The following NDOR1 variants were observed in gnomAD, a reference collection of about 807,000 sequenced individuals.
NDOR1 encodes the protein NADPH dependent diflavin oxidoreductase 1.
NDOR1 carries 61 observed loss-of-function variants against 67.2 expected under a neutral mutation model. The observed-to-expected ratio is 0.91, with a 90% CI of 0.74 to 1.12. The LOEUF is 1.12. NDOR1 is among the 50% of genes most tolerant of loss of function. NDOR1 has a pLI of 0.00. For missense variants in NDOR1, 878 were observed against 802.8 expected (o/e 1.09, Z -1.13); for synonymous variants, 378 against 343.7 (o/e 1.10, Z -1.10).
intron 13 of NDOR1, 38 bp downstream of exon 13, chr9:137,216,226 CCT>C (rs777381263): frequency 2.2e-5 from 36 of 1,612,918 alleles, no homozygotes; most frequent in Middle Eastern, 1.6e-4. Context: ...GGGCCCAGCC[CCT>C]GAGTGCCAGG....
Position 137,218,102 on chromosome 9 carries a change from C to A in NDOR1, c.*1686C>A. 2.5e-6 allele frequency: 1 copy of A among 398,734 alleles called. No homozygotes were observed. The highest frequency in any genetic ancestry group is 3.6e-5 in the East Asian group (1 of 28,072). The allele number at this position is 398,734 out of a possible 1,614,324, so 24.7% of individuals were successfully genotyped here. On this transcript the variant is annotated 3_prime_UTR_variant, in exon 14 of 14. Transcript: ENST00000684003. ...CCCGATCTGCACAGAGCCCTACGGGCCCAGAGAGCGCCGCCTGGCCCTGCT... is the reference window on the plus strand; with the variant it reads ...CCCGATCTGCACAGAGCCCTACGGGACCAGAGAGCGCCGCCTGGCCCTGCT...
chr9:137,211,654 T>C (rs1835262955), intron 2 of NDOR1, among the ~76,000 whole-genome samples: 3 of 151,638 alleles, frequency 2.0e-5, no homozygotes, highest in South Asian at 2.1e-4. Flanking sequence ...CTGGGTACAT[T>C]TGCTCGCATA....
Position 137,215,209 on chromosome 9 carries a change from G to T in NDOR1, c.1173+7G>T, listed in dbSNP as rs757987477. The T allele has an allele frequency of 2.5e-6, 4 of 1,608,522 alleles. No individual in the cohort carries two copies. The South Asian group carries it at 3.3e-5, about 13-fold the overall frequency. ...CATCGCCTCCTCGCTGCTGGTGAGGGGCCTGGTGGTTGGAGCCCAGGACCG... is the reference window on the plus strand; with the variant it reads ...CATCGCCTCCTCGCTGCTGGTGAGGTGCCTGGTGGTTGGAGCCCAGGACCG... On this transcript the variant is annotated splice_region_variant and intron_variant, in intron 9 of 13. Coordinates refer to ENST00000684003, the MANE Select transcript of NDOR1 (RefSeq NM_014434.4).
Position 137,205,827 on chromosome 9 carries a change from C to T in NDOR1, c.50C>T (p.Ala17Val). ...CTCTTCGGCAGCCAGACAGGCACGG[C>T]TCAGGATGTGTCGGAGAGACTGGGT... Reference protein sequence around the residue: ...LVLFGSQTGTAQDVSERLGRE... With the variant: ...LVLFGSQTGTVQDVSERLGRE... Residue 17 changes from alanine to valine, a missense_variant, in exon 1 of 14, where the codon GCT becomes GTT. Transcript: ENST00000684003. The T allele has an allele frequency of 6.2e-7, 1 of 1,605,642 alleles. No individual in the cohort carries two copies. The highest frequency in any genetic ancestry group is 8.5e-7 in the Non-Finnish European group (1 of 1,179,684).
At chr9:137,214,471 C>T (rs979034674) in intron 6 of NDOR1, 58 bp downstream of exon 6, 24 of 1,610,900 alleles carry the variant, frequency 1.5e-5, no homozygotes, top group African/African-American at 9.4e-5. Flanking sequence ...GTCTGGGGTT[C>T]GGAGGAGGCT....
intron 10 of NDOR1, 52 bp from the exon 11 acceptor site, chr9:137,215,607 A>C (rs746628440): frequency 1.3e-5 from 21 of 1,602,904 alleles, no homozygotes; most frequent in Non-Finnish European, 1.4e-5. Context: ...GGGCCCCAGC[A>C]GACTCAGCAC....
At position 137,214,936 on chromosome 9, in the gene NDOR1, A is replaced by G. The variant is rs745318012; in HGVS notation, c.983A>G (p.Glu328Gly). ...ACLSLHELER[E>G]KLLEFSSAQG... ...CTATCCCTCCATGAGCTGGAGCGGGAGAAGCTGCTGGAGTTCAGTTCTGCC... is the reference window on the plus strand; with the variant it reads ...CTATCCCTCCATGAGCTGGAGCGGGGGAAGCTGCTGGAGTTCAGTTCTGCC... The change falls in exon 8 of 14, where the codon GAG (glutamate) becomes GGG (glycine). Residue 328 changes from glutamate (E) to glycine (G), a missense_variant. Transcript: ENST00000684003. 1 of 1,613,426 alleles carries G rather than the reference A, an allele frequency of 6.2e-7. No individual in the cohort carries two copies. Among genetic ancestry groups the G allele is most frequent in the South Asian group, 1.1e-5 (1 of 91,088 alleles).
chr9:137,206,889 G>T (rs1003091122), intron 2 of NDOR1, among the ~76,000 whole-genome samples: 1 of 152,174 alleles, frequency 6.6e-6, no homozygotes, highest in South Asian at 2.1e-4. Context: ...GCTGAGTCAC[G>T]GAAGGATGCG....
chr9:137,206,057 G>C, intron 1 of NDOR1, 145 bp downstream of exon 1: 1 of 1,483,554 alleles, frequency 6.7e-7, no homozygotes, highest in Non-Finnish European at 9.1e-7. Flanking sequence ...GTTTGGGAAG[G>C]GGAGTTCAGT....
rs1308651993 is a variant in NDOR1 at position 137,205,761 on chromosome 9, C to T, written c.-17C>T. On this transcript the variant is annotated 5_prime_UTR_variant, in exon 1 of 14. Transcript: ENST00000684003. ...TTCTAGTTTTTAGTCTCAGACCAGA[C>T]CACCGGGCGCACCCCGATGCCGAGC... is the stretch of plus-strand genomic sequence containing the variant. The T allele has an allele frequency of 6.2e-7, 1 of 1,602,178 alleles. No homozygotes were observed. Among genetic ancestry groups the T allele is most frequent in the Non-Finnish European group, 8.5e-7 (1 of 1,179,602 alleles).
At position 137,218,113 on chromosome 9, in the gene NDOR1, C is replaced by A; in HGVS notation, c.*1697C>A. ...CAGAGCCCTACGGGCCCAGAGAGCG[C>A]CGCCTGGCCCTGCTGAACTGTAGCC... On this transcript the variant is annotated 3_prime_UTR_variant, in exon 14 of 14. Transcript: ENST00000684003. The A allele has an allele frequency of 2.5e-6, 1 of 398,796 alleles. No individual in the cohort carries two copies. The highest frequency in any genetic ancestry group is 4.4e-6 in the Non-Finnish European group (1 of 226,178). The allele number at this position is 398,796 out of a possible 1,614,324, so 24.7% of individuals were successfully genotyped here. A position where few individuals can be genotyped will look rare whatever the true frequency, so the allele number is the denominator to read the frequency against.
chr9:137,214,429 G>T lies in NDOR1; in HGVS notation c.722+16G>T. The T allele has an allele frequency of 2.5e-6, 4 of 1,610,618 alleles. No homozygotes were observed. Among genetic ancestry groups the T allele is most frequent in the Non-Finnish European group, 3.4e-6 (4 of 1,179,276 alleles). ...CTGGCATCAGGTGGGGACTGCTGGG[G>T]ACCGAGGAGGGCAAGGTGAGGTGGG... On this transcript the variant is annotated intron_variant, in intron 6 of 13. Coordinates refer to ENST00000684003, the MANE Select transcript of NDOR1 (RefSeq NM_014434.4).
Position 137,215,538 on chromosome 9 carries a change from G to A in NDOR1, c.1288+17G>A, listed in dbSNP as rs1351520958. On this transcript the variant is annotated intron_variant, in intron 10 of 13. Transcript: ENST00000684003. ...CTGGGCAAGGTGACCCCTGCTCCCA[G>A]GGTGGGGGCCGTGGGCCCATATCCC... 1.2e-6 allele frequency: 2 copies of A among 1,612,268 alleles called. No individual in the cohort carries two copies. Among genetic ancestry groups the A allele is most frequent in the African/African-American group, 2.7e-5 (2 of 74,922 alleles).
chr9:137,211,794 C>T (rs144816116), intron 2 of NDOR1, among the ~76,000 whole-genome samples: 33 of 150,682 alleles, frequency 2.2e-4, no homozygotes, highest in Middle Eastern at 6.9e-3. Context: ...TGCTTGGCCA[C>T]GGGAAGGGGA....
chr9:137,217,735 GGCCGCCCCTGTC>G lies in NDOR1; in HGVS notation c.*1327_*1338del, dbSNP rs1280679013. ...GAGCCCAGACCCTGCCTTCCCTGAG[GGCCGCCCCTGTC>G]GCCGCCCTGGGGTCCCTGTCCTCCT... On this transcript the variant is annotated 3_prime_UTR_variant, in exon 14 of 14. Coordinates refer to ENST00000684003, the MANE Select transcript of NDOR1 (RefSeq NM_014434.4). 1.9e-5 allele frequency: 7 copies of G among 373,760 alleles called. No individual in the cohort carries two copies. The East Asian group carries it at 2.7e-4, about 14-fold the overall frequency. The allele number at this position is 373,760 out of a possible 1,614,324, so 23.2% of individuals were successfully genotyped here.
At chr9:137,206,038 G>T in intron 1 of NDOR1, 126 bp downstream of exon 1, 2 of 1,487,098 alleles carry the variant, frequency 1.3e-6, no homozygotes, top group East Asian at 2.3e-5. Flanking sequence ...GGCGGATTTA[G>T]GGAAGGAGGT....
Position 137,215,185 on chromosome 9 carries a change from A to G in NDOR1, c.1156A>G (p.Ile386Val), listed in dbSNP as rs761894189. 1.2e-6 allele frequency: 2 copies of G among 1,612,312 alleles called. No homozygotes were observed. Among genetic ancestry groups the G allele is most frequent in the Admixed American group, 1.7e-5 (1 of 59,962 alleles). The change falls in exon 9 of 14, where the codon ATC (isoleucine) becomes GTC (valine). Residue 386 changes from isoleucine (I) to valine (V), a missense_variant. By Grantham distance (29) the Ile-to-Val change is conservative. Coordinates refer to ENST00000684003, the MANE Select transcript of NDOR1 (RefSeq NM_014434.4). ...CGTTATCCGGCCGAGGGCCTTCTCC[A>G]TCGCCTCCTCGCTGCTGGTGAGGGG... is the stretch of plus-strand genomic sequence containing the variant. ...IPVIRPRAFS[I>V]ASSLLTHPSR...
chr9:137,212,452 G>T lies in NDOR1; in HGVS notation c.214-50G>T, dbSNP rs1224067406. 1 of 1,540,876 alleles carries T rather than the reference G, an allele frequency of 6.5e-7. No individual in the cohort carries two copies. The highest frequency in any genetic ancestry group is 1.7e-5 in the Admixed American group (1 of 59,848). ...ACCCTCCCCTCACCCCCTGCTGTGG[G>T]GCTAGCCTAGAGGTCGAGGACTCTG... On this transcript the variant is annotated intron_variant, in intron 2 of 13. Transcript: ENST00000684003. This position sits in a 1 kb window ranked among gnomAD's most constrained non-coding sequence, Gnocchi z 4.3.
In NDOR1 at chr9:137,212,594, C is replaced by T. The variant is rs140847222; in HGVS notation, c.306C>T (p.Tyr102=). ...FAVLGLGDSS[Y]AKFNFVAKKL... is the part of the protein sequence containing the mutation. ...TCCTGGGCCTCGGGGACTCCTCATA[C>T]GCCAAGTGAGTAGGGGATGGGACAG... The change falls in exon 3 of 14, where the codon TAC becomes TAT. Residue 102 remains tyrosine (Y), a synonymous_variant. Coordinates refer to ENST00000684003, the MANE Select transcript of NDOR1 (RefSeq NM_014434.4). The surrounding 1 kb of genome is among the most constrained non-coding windows in gnomAD (Gnocchi z 4.3). 3.3e-5 allele frequency: 53 copies of T among 1,613,016 alleles called. No homozygotes were observed. Among genetic ancestry groups the T allele is most frequent in the Middle Eastern group, 1.7e-4 (1 of 6,060 alleles).
Sources: allele counts gnomAD v4.1 joint callset (sites outside exome capture counted in the v4.1 genomes callset), GRCh38; gene constraint gnomAD v4.1.1; non-coding constraint Gnocchi (gnomAD v3.1); transcripts MANE v1.5; gene names NCBI Gene and HGNC (gene_info 2026-07-23, HGNC 2026-07-21).